Variants in KIF16B observed in about 807,000 individuals in gnomAD.
KIF16B encodes kinesin family member 16B.
Under a neutral mutation model 156.3 loss-of-function variants are expected in KIF16B, and 98 were observed. The observed-to-expected ratio is 0.63, with a 90% CI of 0.53 to 0.74. The LOEUF is 0.74. Ranked by LOEUF, KIF16B falls within the 30% of genes least tolerant of loss-of-function variation. The pLI is 0.00. For synonymous variants in KIF16B, 564 were observed against 583.7 expected, an observed-to-expected ratio of 0.97 and a Z score of 0.49; for missense variants, 1,421 against 1,606.5, an observed-to-expected ratio of 0.88 and a Z score of 1.97.
intron 1 of KIF16B, among the ~76,000 whole-genome samples, chr20:16,548,135 T>C (rs1306771820): frequency 6.6e-6 from 1 of 152,122 alleles, no homozygotes; most frequent in African/African-American, 2.4e-5. Flanking sequence ...ACAGATCTGA[T>C]CCCAACAGCC....
intron 23 of KIF16B, among the ~76,000 whole-genome samples, chr20:16,336,589 C>T (rs1028443738): frequency 4.6e-5 from 7 of 152,142 alleles, no homozygotes; most frequent in Admixed American, 1.3e-4. Context: ...CTTTCTTCTG[C>T]GCTCTAGACC....
intron 12 of KIF16B, among the ~76,000 whole-genome samples, chr20:16,482,036 A>G (rs1484526633): frequency 6.6e-6 from 1 of 152,162 alleles, no homozygotes; most frequent in Non-Finnish European, 1.5e-5. Flanking sequence ...ACAATGCTGG[A>G]TCCAGAATAA....
intron 12 of KIF16B, among the ~76,000 whole-genome samples, chr20:16,449,560 C>T (rs1267137306): frequency 6.6e-6 from 1 of 152,130 alleles, no homozygotes; most frequent in Non-Finnish European, 1.5e-5. Flanking sequence ...AACAGACAAC[C>T]TAAACAAAGA....
At chr20:16,450,341 T>C (rs948311101) in intron 12 of KIF16B, among the ~76,000 whole-genome samples, 1 of 152,164 alleles carries the variant, frequency 6.6e-6, no homozygotes, top group African/African-American at 2.4e-5. Flanking sequence ...AACTCTACCA[T>C]GTAACATCTT....
chr20:16,326,056 C>T (rs1014127767), intron 24 of KIF16B, among the ~76,000 whole-genome samples: 1 of 152,042 alleles, frequency 6.6e-6, no homozygotes, highest in Non-Finnish European at 1.5e-5. Context: ...GGACAGGACA[C>T]CTTATTCAAC....
chr20:16,549,009 C>T (rs948902232), intron 1 of KIF16B, among the ~76,000 whole-genome samples: 338 of 98,084 alleles, frequency 3.4e-3, no homozygotes, highest in Non-Finnish European at 3.6e-3. Context: ...TACTCATTTT[C>T]GGTTTTTTTT....
chr20:16,507,097 C>T (rs987007754), intron 7 of KIF16B, among the ~76,000 whole-genome samples: 1 of 131,100 alleles, frequency 7.6e-6, no homozygotes, highest in African/African-American at 2.6e-5. Context: ...GAAATCATGT[C>T]TCAAAAAAAA....
At position 16,273,077 on chromosome 20, in the gene KIF16B, C is replaced by A; in HGVS notation, c.*176G>T. 1 of 617,314 alleles carries A rather than the reference C, an allele frequency of 1.6e-6. No homozygotes were observed. The highest frequency in any genetic ancestry group is 2.7e-5 in the East Asian group (1 of 36,842). The allele number at this position is 617,314 out of a possible 1,614,324, so 38.2% of individuals were successfully genotyped here. On this transcript the variant is annotated 3_prime_UTR_variant, in exon 26 of 26. Transcript: ENST00000354981. Reference sequence around the variant, plus strand: ...GGCCACATCAGCAGGCAGAGCATCCCATCCCCAAACTCAGGCACTAGGTAT... The same window carrying A: ...GGCCACATCAGCAGGCAGAGCATCCAATCCCCAAACTCAGGCACTAGGTAT...
rs369587574 is a variant in KIF16B, at chr20:16,317,961, C to T, written c.3712-5543G>A. ...GAGAGCAAGCGTTTGGCTTTATCGC[C>T]CACAGCCAGCAACTCCACAGCCCCC... On this transcript the variant is annotated intron_variant, in intron 24 of 25. Coordinates refer to ENST00000354981, the MANE Select transcript of KIF16B (RefSeq NM_024704.5). Among the ~76,000 whole-genome samples the T allele has an allele frequency of 2.3e-3, 346 of 152,266 alleles. 1 individual carries two copies. The highest frequency in any genetic ancestry group is 7.7e-3 in the South Asian group (37 of 4,822).
intron 19 of KIF16B, among the ~76,000 whole-genome samples, chr20:16,375,451 A>C (rs943067431): frequency 6.6e-6 from 1 of 152,218 alleles, no homozygotes; most frequent in African/African-American, 2.4e-5. Flanking sequence ...GAATTTTCAG[A>C]AATGGATCAC....
intron 25 of KIF16B, among the ~76,000 whole-genome samples, chr20:16,277,478 T>TAA (rs1555832864): frequency 4.0e-4 from 58 of 145,798 alleles, no homozygotes; most frequent in African/African-American, 1.2e-3. Flanking sequence ...TATATATATA[T>TAA]AAAATATTTA....
At chr20:16,518,326 C>T (rs2069214444) in intron 3 of KIF16B, among the ~76,000 whole-genome samples, 1 of 152,198 alleles carries the variant, frequency 6.6e-6, no homozygotes, top group Admixed American at 6.5e-5. Context: ...GCGGGGCCTG[C>T]TTTATGAGAC....
At chr20:16,542,174 A>G (rs1041589930) in intron 1 of KIF16B, among the ~76,000 whole-genome samples, 8 of 152,218 alleles carry the variant, frequency 5.3e-5, no homozygotes, top group Non-Finnish European at 1.2e-4. Flanking sequence ...TGAAAGGAGA[A>G]TAGCCTAACA....
At chr20:16,450,643 G>A (rs886177656) in intron 12 of KIF16B, among the ~76,000 whole-genome samples, 2 of 152,148 alleles carry the variant, frequency 1.3e-5, no homozygotes, top group African/African-American at 4.8e-5. Flanking sequence ...CTCCCTCTCT[G>A]GGCTGTGAGT....
intron 6 of KIF16B, among the ~76,000 whole-genome samples, chr20:16,508,392 C>G (rs191984004): frequency 5.3e-4 from 81 of 152,274 alleles, no homozygotes; most frequent in Non-Finnish European, 8.5e-4. Context: ...CACATAGGGC[C>G]ACGGTCCCCA....
chr20:16,312,291 A>G, intron 25 of KIF16B, 44 bp downstream of exon 25: 2 of 1,379,518 alleles, frequency 1.4e-6, no homozygotes, highest in Non-Finnish European at 2.1e-6. Context: ...GTCAGATGGT[A>G]CATTTTCTAC....
chr20:16,462,774 T>C (rs1159779789), intron 12 of KIF16B, among the ~76,000 whole-genome samples: 1 of 152,080 alleles, frequency 6.6e-6, no homozygotes, highest in African/African-American at 2.4e-5. Flanking sequence ...GCTGCAAACA[T>C]AGATAAACAA....
chr20:16,553,925 A>G (rs1010672161), intron 1 of KIF16B, among the ~76,000 whole-genome samples: 3 of 152,170 alleles, frequency 2.0e-5, no homozygotes, highest in African/African-American at 7.2e-5. Flanking sequence ...TTAGGGAAGC[A>G]CTGACATGCC....
At chr20:16,401,211 T>A (rs1056372635) in intron 17 of KIF16B, among the ~76,000 whole-genome samples, 66 of 152,368 alleles carry the variant, frequency 4.3e-4, no homozygotes, top group African/African-American at 1.5e-3. Flanking sequence ...TAGCGTCAGA[T>A]GCATCCAGAA....
Sources: allele counts gnomAD v4.1 joint callset (sites outside exome capture counted in the v4.1 genomes callset), GRCh38; gene constraint gnomAD v4.1.1; transcripts MANE v1.5; gene names NCBI Gene and HGNC (gene_info 2026-07-23, HGNC 2026-07-21).